Variants in TMEM132B observed in about 807,000 individuals in gnomAD.
TMEM132B encodes transmembrane protein 132B.
TMEM132B carries 18 observed loss-of-function variants against 90.8 expected under a neutral mutation model. The ratio of observed to expected loss-of-function variants is 0.20; its 90% CI spans 0.14 to 0.29. The LOEUF (loss-of-function observed/expected upper bound fraction) is 0.29, where lower values mean the gene tolerates loss of function less well. Ranked by LOEUF, TMEM132B falls within the 10% of genes least tolerant of loss-of-function variation. TMEM132B has a pLI of 1.00. For missense variants in TMEM132B, 1,096 were observed against 1,326.8 expected (o/e 0.83, Z 2.70); for synonymous variants, 504 against 523.3 (o/e 0.96, Z 0.50).
At chr12:125,411,459 C>G (rs1696739) in intron 2 of TMEM132B, among the ~76,000 whole-genome samples, 53,290 of 151,080 alleles carry the variant, frequency 0.35, 9,534 homozygotes, top group East Asian at 0.42. Flanking sequence ...CATGGGTATA[C>G]CTATGTAACA....
chr12:125,636,615 C>T lies in TMEM132B; in HGVS notation c.1438-7461C>T, dbSNP rs73418470. On this transcript the variant is annotated intron_variant, in intron 5 of 8. Transcript: ENST00000682704. ...TAGCATGTATTCTCATCCCTCCCTC[C>T]GGGTAGAGCTTTCTGTTTCCTTCCC... 6.3e-3 allele frequency among the ~76,000 whole-genome samples: 958 copies of T among 152,280 alleles called. 4 individuals carry two copies. Among genetic ancestry groups the T allele is most frequent in the African/African-American group, 0.021 (885 of 41,544 alleles).
chr12:125,566,561 C>T (rs1454745789), intron 4 of TMEM132B, among the ~76,000 whole-genome samples: 1 of 152,110 alleles, frequency 6.6e-6, no homozygotes, highest in Non-Finnish European at 1.5e-5. Flanking sequence ...TTGAGAGTTC[C>T]CTGTGGGGAT....
intron 3 of TMEM132B, among the ~76,000 whole-genome samples, chr12:125,517,326 G>GGTTTTTTTTT (rs1566060662): frequency 1.1e-5 from 1 of 88,032 alleles, no homozygotes. Flanking sequence ...ATGCCCTGCT[G>GGTTTTTTTTT]ATTTTTTTTT....
chr12:125,607,140 G>A (rs893676036), intron 5 of TMEM132B, among the ~76,000 whole-genome samples: 1 of 152,152 alleles, frequency 6.6e-6, no homozygotes, highest in Non-Finnish European at 1.5e-5. Flanking sequence ...ATCCAGTCAG[G>A]TGGTATAGCA....
intron 1 of TMEM132B, among the ~76,000 whole-genome samples, chr12:125,326,867 C>G (rs551110807): frequency 6.6e-6 from 1 of 152,334 alleles, no homozygotes; most frequent in South Asian, 2.1e-4. Flanking sequence ...ACTATTGAAA[C>G]TGTCCACCGA....
intron 2 of TMEM132B, among the ~76,000 whole-genome samples, chr12:125,395,259 A>C (rs1879138734): frequency 6.6e-6 from 1 of 152,182 alleles, no homozygotes; most frequent in Non-Finnish European, 1.5e-5. Flanking sequence ...ACAATGCTTT[A>C]AATTACTGTG....
At chr12:125,229,873 T>C (rs1873776717) in intron 1 of TMEM132B, among the ~76,000 whole-genome samples, 1 of 152,262 alleles carries the variant, frequency 6.6e-6, no homozygotes, top group Non-Finnish European at 1.5e-5. Context: ...TATTGCTCGA[T>C]AGATTAATCA....
rs375581257 is a variant in TMEM132B at position 125,386,455 on chromosome 12, G to C, written c.960-29076G>C. On this transcript the variant is annotated intron_variant, in intron 2 of 8. Coordinates refer to ENST00000682704, the MANE Select transcript of TMEM132B (RefSeq NM_001366854.1). ...TTTATGAATTAGGGAGTGGCATACTGTGATTTTGTAGCAATGCCAGCTAAT... is the reference window on the plus strand; with the variant it reads ...TTTATGAATTAGGGAGTGGCATACTCTGATTTTGTAGCAATGCCAGCTAAT... 1.1e-4 allele frequency among the ~76,000 whole-genome samples: 16 copies of C among 152,342 alleles called. No individual in the cohort carries two copies. The South Asian group carries it at 3.3e-3, about 32-fold the overall frequency.
intron 5 of TMEM132B, chr12:125,585,192 G>A (rs150737359): frequency 1.3e-5 from 2 of 152,314 alleles, no homozygotes; most frequent in Non-Finnish European, 2.9e-5. Context: ...GGAAACTCAA[G>A]TTTGGCATAG....
At chr12:125,551,432 A>C (rs1040755367) in intron 4 of TMEM132B, among the ~76,000 whole-genome samples, 2 of 152,210 alleles carry the variant, frequency 1.3e-5, no homozygotes, top group Admixed American at 6.5e-5. Flanking sequence ...AATGATGTGG[A>C]AATTGAAGCT....
chr12:125,342,763 G>A (rs1877227587), intron 1 of TMEM132B, among the ~76,000 whole-genome samples: 1 of 152,186 alleles, frequency 6.6e-6, no homozygotes, highest in African/African-American at 2.4e-5. Flanking sequence ...CCCAGCTTGA[G>A]GGGTGAGAAG....
intron 1 of TMEM132B, among the ~76,000 whole-genome samples, chr12:125,258,071 C>T (rs925945091): frequency 6.6e-6 from 1 of 152,146 alleles, no homozygotes; most frequent in East Asian, 1.9e-4. Context: ...CCATTATTTC[C>T]CTCTATATTT....
intron 2 of TMEM132B, among the ~76,000 whole-genome samples, chr12:125,359,135 T>G (rs1486693097): frequency 1.3e-5 from 2 of 152,218 alleles, no homozygotes; most frequent in Non-Finnish European, 2.9e-5. Context: ...CCACATCTCT[T>G]GCTTGAATCA....
intron 7 of TMEM132B, among the ~76,000 whole-genome samples, chr12:125,652,109 T>C (rs1043183324): frequency 2.0e-5 from 3 of 152,206 alleles, no homozygotes; most frequent in African/African-American, 7.2e-5. Context: ...TTCTAAATAT[T>C]AGTTGTTGGG....
rs577729846 is a variant in TMEM132B, at chr12:125,277,547, A to G, written c.68-71905A>G. Among the ~76,000 whole-genome samples the G allele has an allele frequency of 2.0e-5, 3 of 151,526 alleles. No homozygotes were observed. Among genetic ancestry groups the G allele is most frequent in the African/African-American group, 7.3e-5 (3 of 41,328 alleles). On this transcript the variant is annotated intron_variant, in intron 1 of 8. Transcript: ENST00000682704. The surrounding 1 kb of genome is among the most constrained non-coding windows in gnomAD (Gnocchi z 4.3). ...CACACACATACACACACACACGGGA[A>G]GGCCATGTGAAGATGCAGCAGAGAT... is the stretch of plus-strand genomic sequence containing the variant.
intron 4 of TMEM132B, among the ~76,000 whole-genome samples, chr12:125,563,990 T>C (rs538878995): frequency 2.0e-5 from 3 of 152,238 alleles, no homozygotes; most frequent in African/African-American, 7.2e-5. Context: ...AGAATAAATT[T>C]CCATTGTTTT....
rs144480532 is a variant in TMEM132B, at chr12:125,485,994, A to C, written c.1107-33445A>C. Among the ~76,000 whole-genome samples, 603 of 152,286 alleles carry C rather than the reference A, an allele frequency of 4.0e-3. 6 individuals carry two copies. Among genetic ancestry groups the C allele is most frequent in the African/African-American group, 0.013 (555 of 41,550 alleles). On this transcript the variant is annotated intron_variant, in intron 3 of 8. Coordinates refer to ENST00000682704, the MANE Select transcript of TMEM132B (RefSeq NM_001366854.1). ...TGTTGGAATTGCCTGAGACCAAGAA[A>C]ATAATGCATCTCTCTCTCTCTGTAT...
chr12:125,601,943 A>G (rs965775079), intron 5 of TMEM132B, among the ~76,000 whole-genome samples: 1 of 152,218 alleles, frequency 6.6e-6, no homozygotes, highest in Non-Finnish European at 1.5e-5. Flanking sequence ...TAGACCAATA[A>G]CAAGTTCTGA....
intron 5 of TMEM132B, among the ~76,000 whole-genome samples, chr12:125,630,215 T>C (rs1406325338): frequency 6.6e-6 from 1 of 152,114 alleles, no homozygotes; most frequent in Non-Finnish European, 1.5e-5. Context: ...AAGATTGGTA[T>C]TAATTCTTCT....
Sources: allele counts gnomAD v4.1 joint callset (sites outside exome capture counted in the v4.1 genomes callset), GRCh38; gene constraint gnomAD v4.1.1; non-coding constraint Gnocchi (gnomAD v3.1); transcripts MANE v1.5; gene names NCBI Gene and HGNC (gene_info 2026-07-23, HGNC 2026-07-21).